FIG4: variants seen among roughly 807,000 people sequenced by gnomAD.
FIG4 encodes the protein polyphosphoinositide phosphatase.
Under a neutral mutation model 118.6 loss-of-function variants are expected in FIG4, and 112 were observed. That is an observed-to-expected ratio of 0.94 (90% CI 0.81 to 1.11). FIG4 has a LOEUF of 1.11. Ranked by LOEUF, FIG4 falls within the 50% of genes least tolerant of loss-of-function variation. FIG4 has a pLI of 0.00. For missense variants in FIG4, 969 were observed against 1,111.7 expected (o/e 0.87, Z 1.83); for synonymous variants, 369 against 381.2 (o/e 0.97, Z 0.37).
chr6:109,741,495 C>G lies in FIG4; in HGVS notation c.827C>G (p.Ser276Cys), dbSNP rs1311885951. The G allele has an allele frequency of 5.0e-6, 8 of 1,613,360 alleles. No individual in the cohort carries two copies. The highest frequency in any genetic ancestry group is 1.3e-5 in the African/African-American group (1 of 74,972). Reference protein sequence around the residue: ...PVYVTLIARRSSKFAGTRFLK... With the variant: ...PVYVTLIARRCSKFAGTRFLK... ...TATGTCACTCTAATAGCTAGAAGAT[C>G]CAGTAAATTTGCTGGCACCCGTTTT... Residue 276 changes from serine to cysteine, a missense_variant, in exon 8 of 23, where the codon TCC (serine) becomes TGC (cysteine). Around this residue, in one of 3 missense-constraint regions of FIG4, gnomAD observed 393 missense variants for 409.4 expected, o/e 0.96. Coordinates refer to ENST00000230124, the MANE Select transcript of FIG4 (RefSeq NM_014845.6).
intron 22 of FIG4, among the ~76,000 whole-genome samples, chr6:109,800,693 G>A (rs1413677263): frequency 1.3e-5 from 2 of 152,128 alleles, no homozygotes; most frequent in Non-Finnish European, 2.9e-5. Context: ...GGCCCCATGA[G>A]CATCCCTAGA....
chr6:109,753,169 C>G (rs1335508863), intron 10 of FIG4, among the ~76,000 whole-genome samples: 1 of 152,010 alleles, frequency 6.6e-6, no homozygotes, highest in African/African-American at 2.4e-5. Context: ...TGTTATTTCT[C>G]CCATCCAAGT....
intron 22 of FIG4, among the ~76,000 whole-genome samples, chr6:109,816,876 C>T (rs985269230): frequency 6.6e-6 from 1 of 152,242 alleles, no homozygotes; most frequent in African/African-American, 2.4e-5. Flanking sequence ...AGTAGGGCGT[C>T]ATCACCTCCA....
intron 16 of FIG4, among the ~76,000 whole-genome samples, chr6:109,783,422 C>A (rs1175935182): frequency 6.6e-6 from 1 of 152,194 alleles, no homozygotes; most frequent in Non-Finnish European, 1.5e-5. Flanking sequence ...CTTGTAGAGA[C>A]GCTCTAGCGC....
intron 15 of FIG4, among the ~76,000 whole-genome samples, chr6:109,767,375 A>T (rs1777311399): frequency 6.6e-6 from 1 of 152,232 alleles, no homozygotes; most frequent in Admixed American, 6.5e-5. Flanking sequence ...TACATGTAAC[A>T]GGGTGTTGAA....
intron 1 of FIG4, among the ~76,000 whole-genome samples, chr6:109,705,671 A>G (rs1775045684): frequency 1.3e-5 from 2 of 152,202 alleles, no homozygotes; most frequent in South Asian, 2.1e-4. Context: ...GCCCATGAGC[A>G]TGTCAGGATT....
chr6:109,721,753 A>G (rs964604743), intron 3 of FIG4, among the ~76,000 whole-genome samples: 1 of 152,178 alleles, frequency 6.6e-6, no homozygotes, highest in East Asian at 1.9e-4. Context: ...GACATTTCCA[A>G]TTGGTAGTAA....
chr6:109,778,385 GC>G (rs888492116), intron 16 of FIG4, among the ~76,000 whole-genome samples: 24 of 151,238 alleles, frequency 1.6e-4, no homozygotes, highest in African/African-American at 5.6e-4. Flanking sequence ...CAGGAGAACC[GC>G]TTGAGCCCAG....
intron 22 of FIG4, among the ~76,000 whole-genome samples, chr6:109,803,010 C>T (rs190264829): frequency 1.3e-5 from 2 of 152,240 alleles, no homozygotes; most frequent in Admixed American, 1.3e-4. Flanking sequence ...AGCTTAGGTA[C>T]CCCCTTCACA....
At chr6:109,705,195 G>A (rs1480955670) in intron 1 of FIG4, among the ~76,000 whole-genome samples, 2 of 152,090 alleles carry the variant, frequency 1.3e-5, no homozygotes, top group African/African-American at 2.4e-5. Flanking sequence ...CCATTTTGAA[G>A]CATACTATTA....
intron 4 of FIG4, among the ~76,000 whole-genome samples, chr6:109,730,165 C>G (rs1280275252): frequency 3.3e-5 from 5 of 152,186 alleles, no homozygotes; most frequent in Admixed American, 2.6e-4. Context: ...CCTCCCACCT[C>G]AGCCTCCCCA....
intron 16 of FIG4, among the ~76,000 whole-genome samples, chr6:109,783,707 G>A (rs1777873565): frequency 6.6e-6 from 1 of 152,184 alleles, no homozygotes; most frequent in Non-Finnish European, 1.5e-5. Flanking sequence ...TATTGAAAAG[G>A]GGTTGGAGGA....
At chr6:109,764,205 G>A (rs986210391) in intron 13 of FIG4, among the ~76,000 whole-genome samples, 2 of 152,114 alleles carry the variant, frequency 1.3e-5, no homozygotes, top group Admixed American at 6.6e-5. Context: ...TTGGGAGGCC[G>A]GAGTGGGCAG....
chr6:109,822,723 C>T lies in FIG4; in HGVS notation c.2547-2365C>T, dbSNP rs1318353529. 5.4e-5 allele frequency among the ~76,000 whole-genome samples: 8 copies of T among 147,720 alleles called. No homozygotes were observed. In the East Asian group the frequency reaches 1.6e-3, roughly 29 times the overall value. On this transcript the variant is annotated intron_variant, in intron 22 of 22. Coordinates refer to ENST00000230124, the MANE Select transcript of FIG4 (RefSeq NM_014845.6). ...ATGACCATTATAAAAGTTCACATGGCTTCACTTAAAGCACATTACTTGGTG... is the reference window on the plus strand; with the variant it reads ...ATGACCATTATAAAAGTTCACATGGTTTCACTTAAAGCACATTACTTGGTG...
intron 1 of FIG4, among the ~76,000 whole-genome samples, chr6:109,692,973 C>T (rs771964011): frequency 1.3e-5 from 2 of 152,142 alleles, no homozygotes; most frequent in African/African-American, 2.4e-5. Context: ...CATGAGCCAC[C>T]GCATCTGGCC....
intron 16 of FIG4, among the ~76,000 whole-genome samples, chr6:109,777,291 C>T (rs1371872707): frequency 6.6e-6 from 1 of 152,062 alleles, no homozygotes; most frequent in Non-Finnish European, 1.5e-5. Flanking sequence ...ATGGGGTATC[C>T]ATCCTCTGAT....
At chr6:109,704,166 A>G (rs1016373564) in intron 1 of FIG4, among the ~76,000 whole-genome samples, 1 of 152,166 alleles carries the variant, frequency 6.6e-6, no homozygotes, top group East Asian at 1.9e-4. Flanking sequence ...TCATCTAGCT[A>G]TCTGCTTAAA....
intron 22 of FIG4, among the ~76,000 whole-genome samples, chr6:109,808,887 T>C (rs942595057): frequency 1.2e-4 from 19 of 152,314 alleles, no homozygotes; most frequent in African/African-American, 4.3e-4. Context: ...TGTGATTTTT[T>C]TGATGTATAA....
chr6:109,691,610 T>TTCCCA, intron 1 of FIG4, 109 bp downstream of exon 1: 1 of 1,004,504 alleles, frequency 1.0e-6, no homozygotes, highest in Non-Finnish European at 1.5e-6. Flanking sequence ...TCCTCTCCAG[T>TTCCCA]TCCCAAATCC....
Sources: allele counts gnomAD v4.1 joint callset (sites outside exome capture counted in the v4.1 genomes callset), GRCh38; gene constraint gnomAD v4.1.1; regional missense constraint gnomAD v4.1.1; transcripts MANE v1.5; gene names NCBI Gene and HGNC (gene_info 2026-07-23, HGNC 2026-07-21).